The following PTPRD variants were observed in gnomAD, a reference collection of about 807,000 sequenced individuals.
The protein encoded by PTPRD is protein tyrosine phosphatase receptor type D.
Under a neutral mutation model 214.5 loss-of-function variants are expected in PTPRD, and 34 were observed. The observed-to-expected ratio is 0.16, with a 90% confidence interval of 0.12 to 0.21. PTPRD has a LOEUF of 0.21. Among genes scored for constraint, PTPRD ranks in the 10% least tolerant of loss-of-function variants. The pLI is 1.00. For missense variants in PTPRD, 2,545 were observed against 2,398.7 expected (o/e 1.06, Z -1.27); for synonymous variants, 1,128 against 845.7 (o/e 1.33, Z -5.79).
At chr9:10,007,190 A>C (rs149250005) in intron 4 of PTPRD, among the ~76,000 whole-genome samples, 1 of 152,050 alleles carries the variant, frequency 6.6e-6, no homozygotes, top group Non-Finnish European at 1.5e-5. Context: ...TTATCTCTGC[A>C]CTAAACTATA....
rs144387560 is a variant in PTPRD at position 9,588,126 on chromosome 9, T to G, written c.-286-13345A>C. Among the ~76,000 whole-genome samples, 73 of 151,834 alleles carry G rather than the reference T, an allele frequency of 4.8e-4. 2 individuals are homozygous for G. In the East Asian group the frequency reaches 0.013, roughly 28 times the overall value. ...TCTGTACCCCTAAATATATAAACTA[T>G]CATGTATTAATAACAGAAAAAAATA... On this transcript the variant is annotated intron_variant, in intron 7 of 45. Transcript: ENST00000381196.
chr9:10,439,452 C>G (rs921513026), intron 2 of PTPRD, among the ~76,000 whole-genome samples: 1 of 151,636 alleles, frequency 6.6e-6, no homozygotes, highest in Non-Finnish European at 1.5e-5. Context: ...GGAAGATAAA[C>G]AGGATTGTTA....
At chr9:9,892,435 G>A (rs1198935479) in intron 5 of PTPRD, among the ~76,000 whole-genome samples, 1 of 152,078 alleles carries the variant, frequency 6.6e-6, no homozygotes, top group Non-Finnish European at 1.5e-5. Flanking sequence ...AGAACAGAAA[G>A]TAGATCTAGG....
intron 2 of PTPRD, among the ~76,000 whole-genome samples, chr9:10,432,535 G>T (rs1255901269): frequency 6.6e-6 from 1 of 151,546 alleles, no homozygotes; most frequent in Non-Finnish European, 1.5e-5. Context: ...CCAAAAGCTG[G>T]CATCTCTAGC....
intron 12 of PTPRD, among the ~76,000 whole-genome samples, chr9:8,701,973 T>A (rs73640943): frequency 6.6e-6 from 1 of 152,154 alleles, no homozygotes; most frequent in Non-Finnish European, 1.5e-5. Flanking sequence ...AGGGTTTATT[T>A]ATACTGTTTA....
At chr9:9,169,692 A>G (rs970860844) in intron 10 of PTPRD, among the ~76,000 whole-genome samples, 4 of 152,294 alleles carry the variant, frequency 2.6e-5, no homozygotes, top group African/African-American at 9.6e-5. Flanking sequence ...GTTGGAAAAC[A>G]AAGATTTACT....
intron 35 of PTPRD, among the ~76,000 whole-genome samples, chr9:8,413,218 T>G (rs1478956164): frequency 6.6e-6 from 1 of 152,204 alleles, no homozygotes; most frequent in Non-Finnish European, 1.5e-5. Context: ...TTGCTTTGCT[T>G]GTCATTTAAC....
At chr9:9,467,000 TAA>T (rs2094208659) in intron 8 of PTPRD, among the ~76,000 whole-genome samples, 1 of 152,154 alleles carries the variant, frequency 6.6e-6, no homozygotes, top group Admixed American at 6.5e-5. Context: ...TAAACTTTCC[TAA>T]GTCTTTCCAC....
At chr9:9,907,102 G>A (rs965319647) in intron 5 of PTPRD, among the ~76,000 whole-genome samples, 4 of 151,844 alleles carry the variant, frequency 2.6e-5, no homozygotes, top group African/African-American at 2.4e-5. Flanking sequence ...GATGAGAGGA[G>A]TTCAGCTAGC....
intron 3 of PTPRD, among the ~76,000 whole-genome samples, chr9:10,288,731 T>C (rs2095438515): frequency 6.6e-6 from 1 of 152,216 alleles, no homozygotes; most frequent in South Asian, 2.1e-4. Flanking sequence ...ATGAAAGCTT[T>C]ATCTCTGCCT....
At chr9:10,089,644 C>T (rs1367227806) in intron 3 of PTPRD, among the ~76,000 whole-genome samples, 1 of 151,442 alleles carries the variant, frequency 6.6e-6, no homozygotes, top group East Asian at 1.9e-4. Context: ...AAGAGTCATA[C>T]AACAGAATAA....
chr9:8,835,962 G>A (rs925060971), intron 11 of PTPRD, among the ~76,000 whole-genome samples: 2 of 152,198 alleles, frequency 1.3e-5, no homozygotes, highest in African/African-American at 2.4e-5. Flanking sequence ...TGGATGGCCT[G>A]CTGCATCCTC....
chr9:10,274,236 G>C (rs982021765), intron 3 of PTPRD, among the ~76,000 whole-genome samples: 2 of 152,096 alleles, frequency 1.3e-5, no homozygotes, highest in Non-Finnish European at 2.9e-5. Context: ...AATTTGAACT[G>C]TTTATTAATA....
rs558912568 is a variant in PTPRD, at chr9:8,586,043, T to C, written c.352+47274A>G. Among the ~76,000 whole-genome samples, 3 of 152,220 alleles carry C rather than the reference T, an allele frequency of 2.0e-5. No individual in the cohort carries two copies. The East Asian group carries it at 5.8e-4, about 29-fold the overall frequency. On this transcript the variant is annotated intron_variant, in intron 14 of 45. Coordinates refer to ENST00000381196, the MANE Select transcript of PTPRD (RefSeq NM_002839.4). Reference sequence around the variant, plus strand: ...TAGGCCAGGAGCAGTGGCTCACACCTGTAATCCCAGGACTTTGGGTAACTG... The same window carrying C: ...TAGGCCAGGAGCAGTGGCTCACACCCGTAATCCCAGGACTTTGGGTAACTG...
At position 8,733,875 on chromosome 9, in the gene PTPRD, CT is replaced by C. The variant is rs754756836; in HGVS notation, c.-33del. ...GCTTGGCAGCAGCGTGCGCGAGCAG[CT>C]TGGAATCACTGCCTCCGGAGCCGCA... is the stretch of plus-strand genomic sequence containing the variant. On this transcript the variant is annotated 5_prime_UTR_variant, in exon 12 of 46. Transcript: ENST00000381196. 4 of 1,547,580 alleles carry C rather than the reference CT, an allele frequency of 2.6e-6. No homozygotes were observed. The South Asian group carries it at 4.8e-5, about 18-fold the overall frequency.
chr9:10,441,245 C>A (rs2098756383), intron 2 of PTPRD, among the ~76,000 whole-genome samples: 1 of 151,596 alleles, frequency 6.6e-6, no homozygotes, highest in African/African-American at 2.4e-5. Context: ...AATAAAAGCT[C>A]ATATATTGGA....
At chr9:9,926,620 A>G (rs2084404294) in intron 5 of PTPRD, among the ~76,000 whole-genome samples, 1 of 152,216 alleles carries the variant, frequency 6.6e-6, no homozygotes, top group Non-Finnish European at 1.5e-5. Context: ...AAAGGGTAGA[A>G]ATAAAAATCA....
intron 10 of PTPRD, among the ~76,000 whole-genome samples, chr9:9,106,717 T>C (rs1239312026): frequency 6.6e-6 from 1 of 151,598 alleles, no homozygotes; most frequent in Non-Finnish European, 1.5e-5. Flanking sequence ...GCAAACTCTG[T>C]AGTTGGTGAT....
intron 3 of PTPRD, among the ~76,000 whole-genome samples, chr9:10,176,661 G>A (rs1391348387): frequency 6.6e-6 from 1 of 151,962 alleles, no homozygotes; most frequent in Non-Finnish European, 1.5e-5. Flanking sequence ...CAGGGGCCTA[G>A]GAAGTGAACT....
Sources: allele counts gnomAD v4.1 joint callset (sites outside exome capture counted in the v4.1 genomes callset), GRCh38; gene constraint gnomAD v4.1.1; transcripts MANE v1.5; gene names NCBI Gene and HGNC (gene_info 2026-07-23, HGNC 2026-07-21).